Variants in TTC7A observed in about 807,000 individuals in gnomAD.
The protein encoded by TTC7A is tetratricopeptide repeat protein 7A.
In TTC7A, 110 loss-of-function variants were observed where a neutral mutation model predicts 103.7. The ratio of observed to expected loss-of-function variants is 1.06; its 90% CI spans 0.91 to 1.24. TTC7A has a LOEUF of 1.24. Ranked by LOEUF, TTC7A falls within the 50% of genes most tolerant of loss-of-function variation. TTC7A has a pLI of 0.00. For synonymous variants in TTC7A, 521 were observed against 467.9 expected, an observed-to-expected ratio of 1.11 and a Z score of -1.47; for missense variants, 1,340 against 1,116.3, an observed-to-expected ratio of 1.20 and a Z score of -2.86.
chr2:47,052,686 A>C (rs947548757), intron 18 of TTC7A, among the ~76,000 whole-genome samples: 8 of 152,332 alleles, frequency 5.3e-5, no homozygotes, highest in Non-Finnish European at 8.8e-5. Flanking sequence ...AAAGATGACA[A>C]GTGCCTGAAT....
At chr2:46,952,051 T>A (rs1035057525) in intron 2 of TTC7A, among the ~76,000 whole-genome samples, 42 of 152,100 alleles carry the variant, frequency 2.8e-4, no homozygotes, top group Admixed American at 2.6e-3. Flanking sequence ...TAAAGGTACT[T>A]TGGGGCTAGT....
At chr2:46,945,192 C>T (rs1670826592) in intron 1 of TTC7A, among the ~76,000 whole-genome samples, 1 of 152,098 alleles carries the variant, frequency 6.6e-6, no homozygotes, top group Non-Finnish European at 1.5e-5. Flanking sequence ...ACCCTGGGCT[C>T]AAGTGATCCT....
upstream of TTC7A, among the ~76,000 whole-genome samples, chr2:46,938,888 G>A (rs1670110240): frequency 6.6e-6 from 1 of 151,952 alleles, no homozygotes; most frequent in Admixed American, 6.6e-5. Flanking sequence ...GTGCACGCCT[G>A]TAGTCCCAGC....
chr2:46,935,864 A>ACT (rs1669950472), intron 2 of TTC7A, among the ~76,000 whole-genome samples: 1 of 152,140 alleles, frequency 6.6e-6, no homozygotes, highest in Non-Finnish European at 1.5e-5. Flanking sequence ...CTGAGGTGGG[A>ACT]GGATTGCTAG....
intron 8 of TTC7A, among the ~76,000 whole-genome samples, chr2:46,998,738 C>T (rs1431834709): frequency 2.0e-5 from 3 of 152,148 alleles, no homozygotes; most frequent in Admixed American, 2.0e-4. Flanking sequence ...CTGCAGGAAA[C>T]GGTGTTTGCA....
intron 8 of TTC7A, among the ~76,000 whole-genome samples, chr2:47,001,157 T>C (rs1676761927): frequency 6.6e-6 from 1 of 152,222 alleles, no homozygotes; most frequent in Non-Finnish European, 1.5e-5. Context: ...GTACAGAACA[T>C]GCTCCACATG....
intron 19 of TTC7A, 147 bp downstream of exon 19, chr2:47,061,118 T>G: frequency 1.2e-6 from 1 of 810,398 alleles, no homozygotes; most frequent in Non-Finnish European, 1.9e-6. Context: ...GGGGCTTCCC[T>G]CCTGCTCTGT....
intron 6 of TTC7A, among the ~76,000 whole-genome samples, chr2:46,993,743 A>G (rs1157830722): frequency 6.6e-6 from 1 of 152,166 alleles, no homozygotes; most frequent in Non-Finnish European, 1.5e-5. Context: ...CCCTCATGTT[A>G]AATCAGATTT....
chr2:47,005,842 A>G, intron 8 of TTC7A, 80 bp from the exon 9 acceptor site: 2 of 1,533,226 alleles, frequency 1.3e-6, no homozygotes, highest in East Asian at 4.5e-5. Context: ...CGGCTGGGCC[A>G]GCAAGGTGGG....
intron 11 of TTC7A, among the ~76,000 whole-genome samples, chr2:47,017,806 A>G (rs2104523878): frequency 6.6e-6 from 1 of 152,236 alleles, no homozygotes; most frequent in Admixed American, 6.5e-5. Flanking sequence ...CTTTGATGCC[A>G]CTTCCCAATT....
At chr2:46,938,320 C>T (rs1045449360), upstream of TTC7A, among the ~76,000 whole-genome samples, 3 of 152,190 alleles carry the variant, frequency 2.0e-5, no homozygotes, top group African/African-American at 7.2e-5. Flanking sequence ...CAATCTTAAA[C>T]TTGATCACTA....
At chr2:47,069,242 A>T (rs736148) in intron 19 of TTC7A, among the ~76,000 whole-genome samples, 122,209 of 151,640 alleles carry the variant, frequency 0.81, 49,469 homozygotes, top group East Asian at 0.93. Flanking sequence ...AATTTCTTGG[A>T]GGTTCGTCAG....
chr2:47,071,522 C>A (rs1458101818), intron 19 of TTC7A, among the ~76,000 whole-genome samples: 1 of 152,226 alleles, frequency 6.6e-6, no homozygotes, highest in Non-Finnish European at 1.5e-5. Context: ...GCAGAATCCT[C>A]ACAAGAGCCC....
chr2:46,918,141 A>G (rs1668911074), intron 2 of TTC7A, among the ~76,000 whole-genome samples: 1 of 152,176 alleles, frequency 6.6e-6, no homozygotes. Flanking sequence ...TGGCATCTCA[A>G]ACTTAATGTG....
At chr2:46,994,556 C>G (rs757878581) in intron 7 of TTC7A, 42 bp downstream of exon 7, 1 of 1,601,730 alleles carries the variant, frequency 6.2e-7, no homozygotes, top group Admixed American at 1.7e-5. Context: ...AGTCTCACAT[C>G]TCACGCAGGG....
intron 3 of TTC7A, among the ~76,000 whole-genome samples, chr2:46,960,443 T>C (rs1268812527): frequency 1.3e-5 from 2 of 152,212 alleles, no homozygotes; most frequent in African/African-American, 4.8e-5. Context: ...CCCATCCCTC[T>C]GGAAGCTGAG....
At chr2:47,058,791 C>T (rs539920683) in intron 18 of TTC7A, among the ~76,000 whole-genome samples, 1 of 152,248 alleles carries the variant, frequency 6.6e-6, no homozygotes, top group African/African-American at 2.4e-5. Context: ...GCCTGTGCCA[C>T]GTGGGTCTGA....
intron 15 of TTC7A, among the ~76,000 whole-genome samples, chr2:47,031,096 G>A (rs4953446): frequency 0.3 from 46,060 of 152,014 alleles, 7,880 homozygotes; most frequent in East Asian, 0.54. Flanking sequence ...GCAGTGAGCC[G>A]AGATTGCGCC....
intron 5 of TTC7A, among the ~76,000 whole-genome samples, chr2:46,989,790 C>A (rs1205086244): frequency 6.6e-6 from 1 of 150,728 alleles, no homozygotes; most frequent in East Asian, 2.0e-4. Context: ...AGTCCTGATT[C>A]TTTAATTGCG....
Sources: allele counts gnomAD v4.1 joint callset (sites outside exome capture counted in the v4.1 genomes callset), GRCh38; gene constraint gnomAD v4.1.1; transcripts MANE v1.5; gene names NCBI Gene and HGNC (gene_info 2026-07-23, HGNC 2026-07-21).